The following KIAA0825 variants were observed in gnomAD, a reference collection of about 807,000 sequenced individuals.
KIAA0825 encodes KIAA0825.
Under a neutral mutation model 147.6 loss-of-function variants are expected in KIAA0825, and 119 were observed. The observed-to-expected ratio is 0.81, with a 90% CI of 0.69 to 0.94. The LOEUF is 0.94. Ranked by LOEUF, KIAA0825 falls within the 40% of genes least tolerant of loss-of-function variation. The pLI is 0.00. For synonymous variants in KIAA0825, 470 were observed against 518.1 expected, an observed-to-expected ratio of 0.91 and a Z score of 1.26; for missense variants, 1,381 against 1,472.7, an observed-to-expected ratio of 0.94 and a Z score of 1.02.
chr5:94,520,419 C>A lies in KIAA0825; in HGVS notation c.799G>T (p.Ala267Ser). 6.2e-7 allele frequency: 1 copy of A among 1,612,808 alleles called. No individual in the cohort carries two copies. ...ATGAATTTCACCATTGAAGATGGAG[C>A]TAAAATTTCACATAGTGTGTTAAAA... The part of the protein sequence containing the change: ...EDFNTLCEIL[A>S]PSSMVKFIKE... Residue 267 changes from alanine (A) to serine (S), a missense_variant, in exon 5 of 21, where the codon GCT becomes TCT. Coordinates refer to ENST00000682413, the MANE Select transcript of KIAA0825 (RefSeq NM_001145678.3).
chr5:94,346,787 G>A lies in KIAA0825; in HGVS notation c.3710+37581C>T, dbSNP rs190884304. On this transcript the variant is annotated intron_variant, in intron 20 of 20. Coordinates refer to ENST00000682413, the MANE Select transcript of KIAA0825 (RefSeq NM_001145678.3). ...AAATCTCTAGCTGAACTTCGTAACAGTTTGAACAGGGCAAGAAGTCTCCTG... is the reference window on the plus strand; with the variant it reads ...AAATCTCTAGCTGAACTTCGTAACAATTTGAACAGGGCAAGAAGTCTCCTG... Among the ~76,000 whole-genome samples, 122 of 152,286 alleles carry A rather than the reference G, an allele frequency of 8.0e-4. No individual in the cohort carries two copies. In the East Asian group the frequency reaches 0.02, roughly 25 times the overall value.
At chr5:94,163,647 T>C (rs757215293) in intron 20 of KIAA0825, among the ~76,000 whole-genome samples, 2 of 152,182 alleles carry the variant, frequency 1.3e-5, no homozygotes, top group Admixed American at 6.5e-5. Flanking sequence ...ATCAGTAAAA[T>C]ATAACCATTC....
At chr5:94,552,032 C>A (rs913813159) in intron 2 of KIAA0825, among the ~76,000 whole-genome samples, 1 of 151,752 alleles carries the variant, frequency 6.6e-6, no homozygotes, top group African/African-American at 2.4e-5. Context: ...AAAAAACTAC[C>A]CTCATCTGTA....
intron 14 of KIAA0825, among the ~76,000 whole-genome samples, chr5:94,430,923 G>C (rs984252851): frequency 6.6e-6 from 1 of 152,120 alleles, no homozygotes; most frequent in African/African-American, 2.4e-5. Flanking sequence ...TATTTACTTG[G>C]TCTACCTCTC....
At chr5:94,288,919 G>A (rs1033537679) in intron 20 of KIAA0825, among the ~76,000 whole-genome samples, 3 of 152,140 alleles carry the variant, frequency 2.0e-5, no homozygotes, top group Non-Finnish European at 4.4e-5. Context: ...CCTCAAATGT[G>A]AGCTGCATTT....
In KIAA0825 at chr5:94,373,295, C is replaced by T. The variant is rs560536975; in HGVS notation, c.3710+11073G>A. 1.1e-3 allele frequency among the ~76,000 whole-genome samples: 163 copies of T among 152,248 alleles called. 2 individuals carry two copies. The highest frequency in any genetic ancestry group is 1.2e-3 in the Non-Finnish European group (81 of 68,004). Reference sequence around the variant, plus strand: ...ATTTTTGGGGATGCTTATAGCAGCACCCCCTCCTCCCTTGGTACCAATTTA... The same window carrying T: ...ATTTTTGGGGATGCTTATAGCAGCATCCCCTCCTCCCTTGGTACCAATTTA... On this transcript the variant is annotated intron_variant, in intron 20 of 20. Transcript: ENST00000682413.
intron 20 of KIAA0825, among the ~76,000 whole-genome samples, chr5:94,190,538 T>G (rs1770588273): frequency 1.4e-5 from 2 of 142,148 alleles, no homozygotes; most frequent in African/African-American, 5.2e-5. Context: ...TTTAAAAGAG[T>G]TTGGGAGAAG....
chr5:94,154,561 G>A (rs751989065), intron 20 of KIAA0825, among the ~76,000 whole-genome samples: 7 of 152,110 alleles, frequency 4.6e-5, no homozygotes, highest in African/African-American at 1.4e-4. Context: ...GAAGAACATC[G>A]AGGTTACTTG....
chr5:94,402,002 C>T (rs1246355590), intron 16 of KIAA0825, among the ~76,000 whole-genome samples: 5 of 152,148 alleles, frequency 3.3e-5, no homozygotes, highest in African/African-American at 4.8e-5. Context: ...CAATGGCATT[C>T]GCCTATTGTC....
intron 14 of KIAA0825, among the ~76,000 whole-genome samples, chr5:94,435,311 A>AGT (rs1372234232): frequency 9.9e-5 from 11 of 110,858 alleles, no homozygotes; most frequent in African/African-American, 3.9e-4. Context: ...AACAGGCCCC[A>AGT]GTGTGTGTTG....
chr5:94,515,134 A>T (rs1452487881), intron 5 of KIAA0825, among the ~76,000 whole-genome samples: 1 of 152,220 alleles, frequency 6.6e-6, no homozygotes, highest in Non-Finnish European at 1.5e-5. Context: ...GGATTTATTT[A>T]ACCAAAATTT....
chr5:94,218,469 C>T (rs1410336620), intron 20 of KIAA0825, among the ~76,000 whole-genome samples: 1 of 152,300 alleles, frequency 6.6e-6, no homozygotes, highest in African/African-American at 2.4e-5. Context: ...AAAGGATTTG[C>T]CCCACTGTAA....
At chr5:94,471,048 T>C (rs1168538412) in intron 9 of KIAA0825, among the ~76,000 whole-genome samples, 1 of 152,228 alleles carries the variant, frequency 6.6e-6, no homozygotes, top group Non-Finnish European at 1.5e-5. Context: ...TATGTTTACC[T>C]TGATCATTAG....
intron 14 of KIAA0825, among the ~76,000 whole-genome samples, chr5:94,420,575 G>T (rs192064103): frequency 6.6e-5 from 10 of 152,098 alleles, no homozygotes; most frequent in Admixed American, 2.0e-4. Flanking sequence ...TACATCTCTA[G>T]TACTATTTTA....
intron 20 of KIAA0825, among the ~76,000 whole-genome samples, chr5:94,363,280 C>T (rs1745334128): frequency 6.6e-6 from 1 of 151,180 alleles, no homozygotes. Flanking sequence ...GCTTCTGGGT[C>T]AATAGCTAAA....
chr5:94,483,996 G>T (rs567980070), intron 6 of KIAA0825, among the ~76,000 whole-genome samples: 1 of 151,368 alleles, frequency 6.6e-6, no homozygotes, highest in African/African-American at 2.4e-5. Context: ...GGAGAACTTT[G>T]TATATTTCAT....
rs1766777677 is a variant in KIAA0825 at position 94,153,762 on chromosome 5, G to A, written c.*245C>T. 3.0e-6 allele frequency: 1 copy of A among 328,800 alleles called. No individual in the cohort carries two copies. Among genetic ancestry groups the A allele is most frequent in the Non-Finnish European group, 5.5e-6 (1 of 182,540 alleles). The allele number at this position is 328,800 out of a possible 1,614,324, so 20.4% of individuals were successfully genotyped here. On this transcript the variant is annotated 3_prime_UTR_variant, in exon 21 of 21. Transcript: ENST00000682413. ...AAATAATTCAAAGGGAACACGAGAT[G>A]GCAGCAGTTATATCATATAAAGAGA...
At chr5:94,471,356 T>C in intron 9 of KIAA0825, 110 bp downstream of exon 9, 1 of 1,142,130 alleles carries the variant, frequency 8.8e-7, no homozygotes, top group Non-Finnish European at 1.2e-6. Context: ...ACCTTGTTAA[T>C]TATTATTTTC....
intron 13 of KIAA0825, among the ~76,000 whole-genome samples, chr5:94,444,305 T>C (rs975831902): frequency 6.6e-6 from 1 of 152,110 alleles, no homozygotes; most frequent in African/African-American, 2.4e-5. Flanking sequence ...TTTTTGGCTC[T>C]CCATGCCAGC....
Sources: allele counts gnomAD v4.1 joint callset (sites outside exome capture counted in the v4.1 genomes callset), GRCh38; gene constraint gnomAD v4.1.1; transcripts MANE v1.5; gene names NCBI Gene and HGNC (gene_info 2026-07-23, HGNC 2026-07-21).